DENND4C: variants seen among roughly 807,000 people sequenced by gnomAD.
The protein encoded by DENND4C is DENN domain-containing protein 4C.
In DENND4C, 108 loss-of-function variants were observed where a neutral mutation model predicts 203.0. The ratio of observed to expected loss-of-function variants is 0.53; its 90% CI spans 0.46 to 0.62. DENND4C has a LOEUF of 0.62. Among genes scored for constraint, DENND4C ranks in the 20% least tolerant of loss-of-function variants. The pLI is 0.00. For missense variants in DENND4C, 2,481 were observed against 2,301.2 expected (o/e 1.08, Z -1.60); for synonymous variants, 871 against 792.4 (o/e 1.10, Z -1.67).
At chr9:19,357,729 C>CTACAATATGTCTACAATATGTCTACATAT (rs1825707896) in intron 27 of DENND4C, 2 of 375,290 alleles carry the variant, frequency 5.3e-6, no homozygotes. Context: ...AAAATAATAC[C>CTACAATATGTCTACAATATGTCTACATAT]TGTATATCTA....
intron 30 of DENND4C, among the ~76,000 whole-genome samples, chr9:19,366,893 C>A (rs1365772249): frequency 6.6e-6 from 1 of 152,100 alleles, no homozygotes; most frequent in African/African-American, 2.4e-5. Context: ...GAAATTTAAA[C>A]CATCAAAAAA....
intron 16 of DENND4C, 70 bp downstream of exon 16, chr9:19,328,232 A>G: frequency 7.2e-7 from 1 of 1,382,130 alleles, no homozygotes; most frequent in South Asian, 1.5e-5. Flanking sequence ...TGCAGCTCAT[A>G]GTTTAGAATG....
intron 27 of DENND4C, 57 bp from the exon 28 acceptor site, chr9:19,357,908 C>T (rs780619387): frequency 4.5e-5 from 61 of 1,358,778 alleles, no homozygotes; most frequent in Non-Finnish European, 5.9e-5. Flanking sequence ...TCTAGCTCTA[C>T]AGATTTAGAC....
chr9:19,355,066 C>T (rs13300809), intron 26 of DENND4C, among the ~76,000 whole-genome samples: 21,062 of 151,694 alleles, frequency 0.14, 2,121 homozygotes, highest in African/African-American at 0.28. Context: ...CCCACCACCA[C>T]GCCCGGCTAA....
rs1839446442 is a variant in DENND4C, at chr9:19,305,334, T to C, written c.1312-18T>C. On this transcript the variant is annotated intron_variant, in intron 9 of 32. Coordinates refer to ENST00000434457, the MANE Select transcript of DENND4C (RefSeq NM_001330640.2). Reference sequence around the variant, plus strand: ...GCAAATTTAAAATTTGGTTAATTTTTTAAAACTTTTTCCCCAGATGATCTT... The same window carrying C: ...GCAAATTTAAAATTTGGTTAATTTTCTAAAACTTTTTCCCCAGATGATCTT... 6.4e-7 allele frequency: 1 copy of C among 1,574,144 alleles called. No individual in the cohort carries two copies. The highest frequency in any genetic ancestry group is 8.6e-7 in the Non-Finnish European group (1 of 1,161,326).
chr9:19,333,996 TGATTGGGGAGAGAGAGACTTC>T (rs1819858049), intron 17 of DENND4C, among the ~76,000 whole-genome samples: 1 of 152,150 alleles, frequency 6.6e-6, no homozygotes, highest in Non-Finnish European at 1.5e-5. Context: ...GAAAGCATAG[TGATTGGGGAGAGAGAGACTTC>T]AATTATACTT....
In DENND4C at chr9:19,299,270, T is replaced by C. The variant is rs1273668671; in HGVS notation, c.1149T>C (p.Ser383=). 6.3e-7 allele frequency: 1 copy of C among 1,585,618 alleles called. No individual in the cohort carries two copies. Among genetic ancestry groups the C allele is most frequent in the South Asian group, 1.2e-5 (1 of 83,594 alleles). ...CATTAATATTATCACAGCCAGTTTC[T>C]ACACCTTTACCACTAAGGTAATTAC... ...HDALILSQPV[S]TPLPLSGANF... The change falls in exon 8 of 33, where the codon TCT becomes TCC. Residue 383 remains serine, a synonymous_variant. Coordinates refer to ENST00000434457, the MANE Select transcript of DENND4C (RefSeq NM_001330640.2).
chr9:19,266,118 T>G (rs1478792079), intron 1 of DENND4C, among the ~76,000 whole-genome samples: 5 of 152,198 alleles, frequency 3.3e-5, no homozygotes, highest in Non-Finnish European at 4.4e-5. Flanking sequence ...CCAGCACCTG[T>G]AGTTTCCTGA....
At chr9:19,325,903 A>G (rs1445729885) in intron 13 of DENND4C, 36 bp from the exon 14 acceptor site, 1 of 1,576,316 alleles carries the variant, frequency 6.3e-7, no homozygotes, top group Admixed American at 1.8e-5. Context: ...TTCATAGTGG[A>G]CATTTTCATT....
Position 19,354,890 on chromosome 9 carries a change from AT to A in DENND4C, c.4782-2072del, listed in dbSNP as rs1382846018. 7.0e-5 allele frequency among the ~76,000 whole-genome samples: 9 copies of A among 127,874 alleles called. No homozygotes were observed. In the East Asian group the frequency reaches 1.2e-3, roughly 17 times the overall value. The allele number at this position is 127,874 out of a possible 152,430, so 83.9% of individuals were successfully genotyped here. A position where few individuals can be genotyped will look rare whatever the true frequency, so the allele number is the denominator to read the frequency against. On this transcript the variant is annotated intron_variant, in intron 26 of 32. Coordinates refer to ENST00000434457, the MANE Select transcript of DENND4C (RefSeq NM_001330640.2). The stretch of plus-strand genomic sequence containing the variant: ...AATTGGTTGCTTATGTTCATTGCCT[AT>A]TTTTTTTTTCTTTTTTGGCTGTTTG...
At chr9:19,371,063 A>G (rs1828738967) in intron 31 of DENND4C, among the ~76,000 whole-genome samples, 1 of 152,232 alleles carries the variant, frequency 6.6e-6, no homozygotes, top group Admixed American at 6.5e-5. Context: ...ATGTCATATT[A>G]TGGCTTCTGA....
At chr9:19,262,862 C>G (rs1829708821) in intron 1 of DENND4C, among the ~76,000 whole-genome samples, 1 of 152,208 alleles carries the variant, frequency 6.6e-6, no homozygotes, top group East Asian at 1.9e-4. Context: ...AGCCACCATG[C>G]CTGGCCTCAT....
rs199516367 is a variant in DENND4C, at chr9:19,296,110, A to G, written c.904A>G (p.Met302Val). 9.6e-5 allele frequency: 155 copies of G among 1,614,012 alleles called. No individual in the cohort carries two copies. In the Admixed American group the frequency reaches 2.5e-3, roughly 26 times the overall value. The change falls in exon 6 of 33, where the codon ATG becomes GTG. Residue 302 changes from methionine (M) to valine (V), a missense_variant. By Grantham distance (21) the Met-to-Val change is conservative. Transcript: ENST00000434457. ...CTTGTTGACGCCTGTGGAGAGAAAAATGGTCTCCAAATCCATCAATACAAA... is the reference window on the plus strand; with the variant it reads ...CTTGTTGACGCCTGTGGAGAGAAAAGTGGTCTCCAAATCCATCAATACAAA... ...LGLLTPVERK[M>V]VSKSINTNKC... is the part of the protein sequence containing the mutation.
chr9:19,310,959 T>C (rs1189992828), intron 10 of DENND4C, among the ~76,000 whole-genome samples: 1 of 152,234 alleles, frequency 6.6e-6, no homozygotes, highest in Non-Finnish European at 1.5e-5. Flanking sequence ...ATAATTGCAT[T>C]GATGTTCATA....
At position 19,346,429 on chromosome 9, in the gene DENND4C, G is replaced by C; in HGVS notation, c.3660G>C (p.Leu1220Phe). Residue 1220 changes from leucine to phenylalanine, a missense_variant, in exon 23 of 33, where the codon TTG (leucine) becomes TTC (phenylalanine). Leu to Phe is a conservative substitution (Grantham distance 22). This residue lies in a region of DENND4C where 2,289 missense variants were observed against 2,113.3 expected (regional missense o/e 1.08). Coordinates refer to ENST00000434457, the MANE Select transcript of DENND4C (RefSeq NM_001330640.2). ...SDSNSNQSRD[L>F]KTVSKDLRNK... ...GTAACAGTAATCAGTCCAGAGACTTGAAAACAGTATCCAAAGATCTGAGGA... is the reference window on the plus strand; with the variant it reads ...GTAACAGTAATCAGTCCAGAGACTTCAAAACAGTATCCAAAGATCTGAGGA... 1.9e-6 allele frequency: 3 copies of C among 1,614,116 alleles called. No homozygotes were observed. Among genetic ancestry groups the C allele is most frequent in the Non-Finnish European group, 2.5e-6 (3 of 1,180,026 alleles).
At position 19,296,159 on chromosome 9, in the gene DENND4C, A is replaced by G; in HGVS notation, c.953A>G (p.His318Arg). 1 of 1,613,914 alleles carries G rather than the reference A, an allele frequency of 6.2e-7. No homozygotes were observed. ...NTNKCICLLS[H>R]WPFFEAFRKF... ...AACAAATGCATTTGTTTACTCTCACACTGGCCTTTTTTTGAAGCTTTTAGG... is the reference window on the plus strand; with the variant it reads ...AACAAATGCATTTGTTTACTCTCACGCTGGCCTTTTTTTGAAGCTTTTAGG... Residue 318 changes from histidine to arginine, a missense_variant, in exon 6 of 33, where the codon CAC becomes CGC. His to Arg is a conservative substitution (Grantham distance 29). Coordinates refer to ENST00000434457, the MANE Select transcript of DENND4C (RefSeq NM_001330640.2).
chr9:19,300,884 G>A (rs1232403744), intron 9 of DENND4C, among the ~76,000 whole-genome samples: 1 of 152,150 alleles, frequency 6.6e-6, no homozygotes, highest in Non-Finnish European at 1.5e-5. Flanking sequence ...ATTGCACTTA[G>A]AATGAAGTCT....
At chr9:19,367,108 A>G (rs1184162277) in intron 30 of DENND4C, among the ~76,000 whole-genome samples, 1 of 152,266 alleles carries the variant, frequency 6.6e-6, no homozygotes, top group East Asian at 1.9e-4. Flanking sequence ...CAACAGCACT[A>G]GCTGTCAAGG....
In DENND4C at chr9:19,271,238, C is replaced by T. The variant is rs571644268; in HGVS notation, c.-17-4920C>T. 6.7e-5 allele frequency among the ~76,000 whole-genome samples: 10 copies of T among 148,920 alleles called. No individual in the cohort carries two copies. The East Asian group carries it at 1.2e-3, about 18-fold the overall frequency. On this transcript the variant is annotated intron_variant, in intron 1 of 32. Transcript: ENST00000434457. Reference sequence around the variant, plus strand: ...TTTTTTTGAGACAGTCTTGCTCTGCCACCCAGGTTGGAATGCAGTGGCGCA... The same window carrying T: ...TTTTTTTGAGACAGTCTTGCTCTGCTACCCAGGTTGGAATGCAGTGGCGCA...
Sources: gnomAD v4.1 joint callset for allele counts (sites outside exome capture counted in the v4.1 genomes callset) on GRCh38, gnomAD v4.1.1 for gene constraint, gnomAD v4.1.1 regional missense constraint, MANE v1.5 for transcripts, NCBI Gene and HGNC (gene_info 2026-07-23, HGNC 2026-07-21) for gene names.